The following CDC42BPA variants were observed in gnomAD, a reference collection of about 807,000 sequenced individuals.
The protein encoded by CDC42BPA is CDC42 binding protein kinase alpha, also known as serine/threonine-protein kinase MRCK alpha.
Under a neutral mutation model 223.5 loss-of-function variants are expected in CDC42BPA, and 80 were observed. The observed-to-expected ratio is 0.36, with a 90% CI of 0.30 to 0.43. The LOEUF (loss-of-function observed/expected upper bound fraction) is 0.43. Ranked by LOEUF, CDC42BPA falls within the 20% of genes least tolerant of loss-of-function variation. The pLI is 1.00. For missense variants in CDC42BPA, 1,743 were observed against 2,099.9 expected (o/e 0.83, Z 3.32); for synonymous variants, 694 against 718.6 (o/e 0.97, Z 0.55).
intron 35 of CDC42BPA, among the ~76,000 whole-genome samples, chr1:226,999,855 A>C (rs1410436398): frequency 6.6e-6 from 1 of 151,550 alleles, no homozygotes; most frequent in Non-Finnish European, 1.5e-5. Flanking sequence ...AGGAACAGAA[A>C]ACCAAACACC....
intron 1 of CDC42BPA, among the ~76,000 whole-genome samples, chr1:227,314,293 A>G (rs1465337573): frequency 6.6e-6 from 1 of 152,114 alleles, no homozygotes; most frequent in Non-Finnish European, 1.5e-5. Context: ...TTTACTATAA[A>G]TGAAAAATAA....
intron 1 of CDC42BPA, among the ~76,000 whole-genome samples, chr1:227,299,310 T>C (rs919877384): frequency 1.3e-5 from 2 of 152,198 alleles, no homozygotes; most frequent in Non-Finnish European, 2.9e-5. Context: ...TCTTTGTATA[T>C]CTGAGAACTG....
chr1:227,231,612 G>A (rs1490000551), intron 2 of CDC42BPA, among the ~76,000 whole-genome samples: 6 of 150,324 alleles, frequency 4.0e-5, no homozygotes, highest in Non-Finnish European at 7.4e-5. Context: ...GTGTAAAAGC[G>A]TTCCTATTTC....
intron 16 of CDC42BPA, among the ~76,000 whole-genome samples, chr1:227,082,006 T>G (rs7538778): frequency 0.069 from 10,514 of 152,050 alleles, 559 homozygotes; most frequent in East Asian, 0.25. Flanking sequence ...ATGATACCAA[T>G]AAGAAAACCC....
intron 9 of CDC42BPA, among the ~76,000 whole-genome samples, chr1:227,141,127 AT>A (rs1156437266): frequency 6.6e-6 from 1 of 152,224 alleles, no homozygotes; most frequent in African/African-American, 2.4e-5. Context: ...TGATCATTAG[AT>A]TTAGCAACAT....
intron 15 of CDC42BPA, among the ~76,000 whole-genome samples, chr1:227,097,870 A>G (rs1684303924): frequency 6.6e-6 from 1 of 152,218 alleles, no homozygotes; most frequent in African/African-American, 2.4e-5. Context: ...CAGAGAAGGG[A>G]TGCAACCCCA....
At chr1:227,126,519 G>GGAAGGAAGGAAGGAAA (rs1255853712) in intron 11 of CDC42BPA, among the ~76,000 whole-genome samples, 1 of 80,772 alleles carries the variant, frequency 1.2e-5, no homozygotes, top group Non-Finnish European at 2.8e-5. Flanking sequence ...AAGGAAGGAA[G>GGAAGGAAGGAAGGAAA]GTAAGAAAGG....
chr1:227,210,090 G>A (rs1673602301), intron 3 of CDC42BPA, among the ~76,000 whole-genome samples: 1 of 152,278 alleles, frequency 6.6e-6, no homozygotes, highest in Admixed American at 6.5e-5. Flanking sequence ...TCTTGGGAGA[G>A]TGTCACACAT....
chr1:227,145,449 G>A lies in CDC42BPA; in HGVS notation c.1143+40C>T, dbSNP rs1660549374. The A allele has an allele frequency of 1.9e-6, 3 of 1,570,996 alleles. No individual in the cohort carries two copies. In the East Asian group the frequency reaches 6.8e-5, roughly 35 times the overall value. On this transcript the variant is annotated intron_variant, in intron 8 of 36. Coordinates refer to ENST00000366766, the MANE Select transcript of CDC42BPA (RefSeq NM_001394014.1). ...AATTACTATATAACCATAGTAGAAA[G>A]AAACAGAGGGACAGAACTTCTTCAC...
At chr1:227,054,865 C>T (rs565060109) in intron 21 of CDC42BPA, among the ~76,000 whole-genome samples, 2 of 151,966 alleles carry the variant, frequency 1.3e-5, no homozygotes, top group South Asian at 4.2e-4. Context: ...ATTTACCATA[C>T]TAGCTTTTTA....
intron 34 of CDC42BPA, among the ~76,000 whole-genome samples, chr1:227,015,857 C>T (rs1323772133): frequency 6.6e-6 from 1 of 152,206 alleles, no homozygotes; most frequent in Non-Finnish European, 1.5e-5. Flanking sequence ...CAATATGGAA[C>T]TAAGTAAGAA....
chr1:227,035,383 G>T, intron 25 of CDC42BPA, 88 bp downstream of exon 25: 4 of 965,408 alleles, frequency 4.1e-6, no homozygotes, highest in South Asian at 1.6e-5. Flanking sequence ...TTTCCATCAA[G>T]AACTATCCTC....
chr1:227,001,788 TC>T (rs1662906109), intron 35 of CDC42BPA, among the ~76,000 whole-genome samples: 1 of 152,070 alleles, frequency 6.6e-6, no homozygotes, highest in Non-Finnish European at 1.5e-5. Flanking sequence ...CCACCTGTAG[TC>T]CCAGCTACTC....
chr1:227,060,414 C>T (rs1406448194), intron 21 of CDC42BPA, among the ~76,000 whole-genome samples: 2 of 152,126 alleles, frequency 1.3e-5, no homozygotes, highest in African/African-American at 4.8e-5. Context: ...ACGTTGGATA[C>T]TAAGCCGACT....
rs749999100 is a variant in CDC42BPA, at chr1:227,119,813, ATCT to A, written c.1635_1637del (p.Glu545del). On this transcript the variant is annotated inframe_deletion, in exon 12 of 37. Coordinates refer to ENST00000366766, the MANE Select transcript of CDC42BPA (RefSeq NM_001394014.1). ...TAGTCACATATTTTACCTTATTTAG[ATCT>A]TCTCTTTCTTGTTGTAACGTTTTGA... is the stretch of plus-strand genomic sequence containing the variant. 6 of 1,572,622 alleles carry A rather than the reference ATCT, an allele frequency of 3.8e-6. No individual in the cohort carries two copies. The highest frequency in any genetic ancestry group is 5.2e-6 in the Non-Finnish European group (6 of 1,154,960).
intron 5 of CDC42BPA, among the ~76,000 whole-genome samples, chr1:227,184,537 G>A (rs146050070): frequency 1.2e-4 from 18 of 152,150 alleles, no homozygotes; most frequent in African/African-American, 2.2e-4. Context: ...TTATTACATC[G>A]CAATTATCTC....
intron 15 of CDC42BPA, among the ~76,000 whole-genome samples, chr1:227,097,649 T>C (rs1374492278): frequency 3.9e-5 from 6 of 152,260 alleles, no homozygotes; most frequent in African/African-American, 1.2e-4. Flanking sequence ...ACTCAGGAGT[T>C]AGGCAAGTGG....
At chr1:227,199,296 G>A (rs1051922805) in intron 4 of CDC42BPA, among the ~76,000 whole-genome samples, 1 of 151,970 alleles carries the variant, frequency 6.6e-6, no homozygotes, top group Non-Finnish European at 1.5e-5. Flanking sequence ...CCTGAAGACC[G>A]TCTATAGAAC....
intron 1 of CDC42BPA, among the ~76,000 whole-genome samples, chr1:227,274,097 G>T (rs1416934645): frequency 6.6e-6 from 1 of 150,458 alleles, no homozygotes; most frequent in African/African-American, 2.4e-5. Context: ...CATATATTTG[G>T]GTTTGCAGCA....
Sources: allele counts gnomAD v4.1 joint callset (sites outside exome capture counted in the v4.1 genomes callset), GRCh38; gene constraint gnomAD v4.1.1; transcripts MANE v1.5; gene names NCBI Gene and HGNC (gene_info 2026-07-23, HGNC 2026-07-21).